TYR: variants seen among roughly 807,000 people sequenced by gnomAD.
The protein encoded by TYR is tyrosinase, also known as LB24-AB.
Under a neutral mutation model 51.5 loss-of-function variants are expected in TYR, and 58 were observed. The observed-to-expected ratio is 1.13, with a 90% confidence interval of 0.91 to 1.40. The LOEUF (loss-of-function observed/expected upper bound fraction) is 1.40, where lower values mean the gene tolerates loss of function less well. Among genes scored for constraint, TYR ranks in the 40% most tolerant of loss-of-function variants. The pLI is 0.00. For missense variants in TYR, 732 were observed against 647.4 expected (o/e 1.13, Z -1.42); for synonymous variants, 263 against 235.2 (o/e 1.12, Z -1.08).
At chr11:89,210,635 C>T (rs1391503558) in intron 2 of TYR, among the ~76,000 whole-genome samples, 2 of 152,058 alleles carry the variant, frequency 1.3e-5, no homozygotes, top group East Asian at 1.9e-4. Flanking sequence ...AGATACTCCT[C>T]GAGAAGAGCA....
rs1378181017 is a variant in TYR at position 89,233,072 on chromosome 11, C to T, written c.1184+5102C>T. ...TAGCATTTTACCTATAGTAAAACTT[C>T]TTACAAAATTGGACTCAATCTTCTG... On this transcript the variant is annotated intron_variant, in intron 3 of 4. Coordinates refer to ENST00000263321, the MANE Select transcript of TYR (RefSeq NM_000372.5). 5.6e-5 allele frequency among the ~76,000 whole-genome samples: 8 copies of T among 143,838 alleles called. 1 individual carries two copies. Among genetic ancestry groups the T allele is most frequent in the African/African-American group, 2.2e-4 (8 of 36,528 alleles). The allele number at this position is 143,838 out of a possible 152,430, so 94.4% of individuals were successfully genotyped here. A position where few individuals can be genotyped will look rare whatever the true frequency, so the allele number is the denominator to read the frequency against.
At chr11:89,181,540 ATTGAG>A (rs1331314623) in intron 1 of TYR, among the ~76,000 whole-genome samples, 1 of 152,194 alleles carries the variant, frequency 6.6e-6, no homozygotes, top group Non-Finnish European at 1.5e-5. Flanking sequence ...TAGTTTCTAG[ATTGAG>A]TTAAGACCTT....
chr11:89,197,390 C>T (rs1469181117), intron 2 of TYR, among the ~76,000 whole-genome samples: 1 of 152,108 alleles, frequency 6.6e-6, no homozygotes, highest in Non-Finnish European at 1.5e-5. Flanking sequence ...TTCAAATCTT[C>T]ACTTTTAAAG....
At chr11:89,203,316 C>G (rs1007987792) in intron 2 of TYR, among the ~76,000 whole-genome samples, 8 of 152,188 alleles carry the variant, frequency 5.3e-5, no homozygotes, top group African/African-American at 1.9e-4. Context: ...CACTACAAAG[C>G]CTTCTTCAGC....
At chr11:89,244,940 T>A (rs187895284) in intron 3 of TYR, among the ~76,000 whole-genome samples, 2 of 152,120 alleles carry the variant, frequency 1.3e-5, no homozygotes, top group African/African-American at 2.4e-5. Context: ...AGTGGCTCAA[T>A]AGGACAGGAT....
At chr11:89,270,170 A>G (rs1565418870) in intron 3 of TYR, among the ~76,000 whole-genome samples, 2 of 151,740 alleles carry the variant, frequency 1.3e-5, no homozygotes, top group African/African-American at 4.8e-5. Context: ...CTTCCTTTCA[A>G]TCCATCTGAT....
intron 3 of TYR, among the ~76,000 whole-genome samples, chr11:89,269,500 C>T (rs967081249): frequency 6.6e-6 from 1 of 151,842 alleles, no homozygotes; most frequent in Non-Finnish European, 1.5e-5. Flanking sequence ...ACCGAAACTG[C>T]CTTTCTTTCT....
At chr11:89,267,812 ATGTG>A (rs201184833) in intron 3 of TYR, among the ~76,000 whole-genome samples, 2 of 150,294 alleles carry the variant, frequency 1.3e-5, no homozygotes, top group East Asian at 2.0e-4. Context: ...TACTGAGTGT[ATGTG>A]TGTGTGTGTG....
intron 3 of TYR, among the ~76,000 whole-genome samples, chr11:89,278,781 G>A (rs1431755756): frequency 6.6e-6 from 1 of 151,526 alleles, no homozygotes; most frequent in Non-Finnish European, 1.5e-5. Context: ...AGATTACTTA[G>A]TACCTAATAT....
rs104894316 is a variant in TYR, at chr11:89,284,797, G to T, written c.1209G>T (p.Arg403Ser). Residue 403 changes from arginine (R) to serine (S), a missense_variant, in exon 4 of 5, where the codon AGG becomes AGT. Coordinates refer to ENST00000263321, the MANE Select transcript of TYR (RefSeq NM_000372.5). ...GTATTTTTGAGCAGTGGCTCCGAAG[G>T]CACCGTCCTCTTCAAGAAGTTTATC... ...VDSIFEQWLR[R>S]HRPLQEVYPE... 2.0e-5 allele frequency: 32 copies of T among 1,611,534 alleles called. No individual in the cohort carries two copies. The highest frequency in any genetic ancestry group is 1.6e-4 in the East Asian group (7 of 44,806).
chr11:89,192,787 T>C (rs7123654), intron 2 of TYR, among the ~76,000 whole-genome samples: 75,084 of 152,042 alleles, frequency 0.49, 20,847 homozygotes, highest in African/African-American at 0.77. Context: ...ATGGCATTAA[T>C]TCACTCAATT....
intron 2 of TYR, among the ~76,000 whole-genome samples, chr11:89,224,098 A>AC (rs1262274817): frequency 6.6e-6 from 1 of 152,156 alleles, no homozygotes; most frequent in Non-Finnish European, 1.5e-5. Flanking sequence ...TTTCTACAGA[A>AC]CAATGAAGTT....
At chr11:89,230,420 G>A (rs995984746) in intron 3 of TYR, among the ~76,000 whole-genome samples, 2 of 152,092 alleles carry the variant, frequency 1.3e-5, no homozygotes, top group South Asian at 2.1e-4. Context: ...TAGAAATTGT[G>A]AAACTGCTAG....
At chr11:89,204,598 A>G (rs1422999471) in intron 2 of TYR, among the ~76,000 whole-genome samples, 1 of 151,926 alleles carries the variant, frequency 6.6e-6, no homozygotes, top group Non-Finnish European at 1.5e-5. Flanking sequence ...GGATTTCACT[A>G]TGTTGGTCTG....
At chr11:89,220,343 G>T (rs1449377122) in intron 2 of TYR, among the ~76,000 whole-genome samples, 1 of 152,112 alleles carries the variant, frequency 6.6e-6, no homozygotes, top group Admixed American at 6.6e-5. Context: ...GATCTTGCGA[G>T]AACTCACTCA....
intron 3 of TYR, among the ~76,000 whole-genome samples, chr11:89,257,527 G>T (rs1944407699): frequency 6.6e-6 from 1 of 151,746 alleles, no homozygotes; most frequent in Non-Finnish European, 1.5e-5. Flanking sequence ...ACTCTAAAGA[G>T]GGAATTATAA....
At chr11:89,262,847 CAAAAAAAAA>C (rs771958187) in intron 3 of TYR, among the ~76,000 whole-genome samples, 1 of 19,304 alleles carries the variant, frequency 5.2e-5, no homozygotes, top group African/African-American at 3.0e-4. Context: ...GCTACTCATC[CAAAAAAAAA>C]AAAAAAAAAA....
chr11:89,201,349 A>G (rs1217807031), intron 2 of TYR, among the ~76,000 whole-genome samples: 1 of 152,228 alleles, frequency 6.6e-6, no homozygotes, highest in East Asian at 1.9e-4. Flanking sequence ...ATTCAAGTGA[A>G]AATGATTTCC....
At chr11:89,252,944 T>G (rs1359792774) in intron 3 of TYR, among the ~76,000 whole-genome samples, 1 of 151,790 alleles carries the variant, frequency 6.6e-6, no homozygotes, top group African/African-American at 2.4e-5. Flanking sequence ...AAAAAGTGCT[T>G]CTGAAGTACA....
Sources: allele counts gnomAD v4.1 joint callset (sites outside exome capture counted in the v4.1 genomes callset), GRCh38; gene constraint gnomAD v4.1.1; transcripts MANE v1.5; gene names NCBI Gene and HGNC (gene_info 2026-07-23, HGNC 2026-07-21).